The following ULK4 variants were observed in gnomAD, a reference collection of about 807,000 sequenced individuals.
ULK4 encodes inactive serine/threonine-protein kinase ULK4.
ULK4 carries 133 observed loss-of-function variants against 160.6 expected under a neutral mutation model. The ratio of observed to expected loss-of-function variants is 0.83; its 90% CI spans 0.72 to 0.96. The LOEUF (loss-of-function observed/expected upper bound fraction) is 0.96. Ranked by LOEUF, ULK4 falls within the 40% of genes least tolerant of loss-of-function variation. The pLI is 0.00. For synonymous variants in ULK4, 534 were observed against 539.8 expected (o/e 0.99, Z 0.15); for missense variants, 1,580 against 1,499.5 (o/e 1.05, Z -0.89).
intron 30 of ULK4, among the ~76,000 whole-genome samples, chr3:41,639,158 C>T (rs1395053292): frequency 6.6e-6 from 1 of 152,182 alleles, no homozygotes; most frequent in South Asian, 2.1e-4. Context: ...GATGGTTTTA[C>T]TGGCTGCAAA....
At chr3:41,586,256 A>G (rs1212781970) in intron 31 of ULK4, among the ~76,000 whole-genome samples, 1 of 152,244 alleles carries the variant, frequency 6.6e-6, no homozygotes, top group African/African-American at 2.4e-5. Flanking sequence ...TTGAGTGTCC[A>G]TCAATGAATG....
intron 31 of ULK4, among the ~76,000 whole-genome samples, chr3:41,566,775 T>C (rs1351387169): frequency 1.3e-5 from 2 of 152,232 alleles, no homozygotes; most frequent in East Asian, 1.9e-4. Context: ...AACTTGCTTT[T>C]CTTTTGTTCC....
At chr3:41,746,297 C>CAAAA (rs1337139435) in intron 22 of ULK4, among the ~76,000 whole-genome samples, 1 of 69,286 alleles carries the variant, frequency 1.4e-5, no homozygotes, top group African/African-American at 9.2e-5. Context: ...AAAAAAAAAA[C>CAAAA]CACCTACAAC....
chr3:41,901,748 G>C (rs1698374344), intron 12 of ULK4, among the ~76,000 whole-genome samples: 1 of 151,950 alleles, frequency 6.6e-6, no homozygotes, highest in Non-Finnish European at 1.5e-5. Context: ...CCAAAGTGCT[G>C]GGATTATAGG....
At chr3:41,941,778 A>AAAAAAAAG (rs534674849) in intron 2 of ULK4, among the ~76,000 whole-genome samples, 34 of 148,170 alleles carry the variant, frequency 2.3e-4, no homozygotes, top group Non-Finnish European at 4.8e-4. Context: ...AAAAAAAAAA[A>AAAAAAAAG]AGAGAAAGAA....
intron 29 of ULK4, among the ~76,000 whole-genome samples, chr3:41,676,348 A>T (rs2035713158): frequency 6.6e-6 from 1 of 152,288 alleles, no homozygotes; most frequent in East Asian, 1.9e-4. Flanking sequence ...AGAGCACTAG[A>T]GCTCAGAAAG....
intron 32 of ULK4, among the ~76,000 whole-genome samples, chr3:41,508,971 A>T (rs1337378572): frequency 6.6e-6 from 1 of 152,166 alleles, no homozygotes; most frequent in Non-Finnish European, 1.5e-5. Context: ...AACCAAGATG[A>T]AATCTCTGAA....
At chr3:41,768,727 C>T (rs1329911966) in intron 21 of ULK4, among the ~76,000 whole-genome samples, 2 of 152,234 alleles carry the variant, frequency 1.3e-5, no homozygotes, top group South Asian at 4.2e-4. Context: ...TAAATCATAA[C>T]ATTTTGGGTG....
chr3:41,738,473 A>C (rs185215847), intron 22 of ULK4, among the ~76,000 whole-genome samples: 1 of 151,954 alleles, frequency 6.6e-6, no homozygotes, highest in Middle Eastern at 3.2e-3. Context: ...CTCTGCAAAG[A>C]TCTGGGACAT....
intron 32 of ULK4, among the ~76,000 whole-genome samples, chr3:41,556,126 G>T (rs546156352): frequency 3.4e-4 from 52 of 152,186 alleles, no homozygotes; most frequent in Admixed American, 2.0e-4. Context: ...AAACCCCCAT[G>T]ACACAAGTTT....
intron 36 of ULK4, among the ~76,000 whole-genome samples, chr3:41,248,319 T>TA (rs113844755): frequency 0.024 from 3,624 of 152,278 alleles, 64 homozygotes; most frequent in South Asian, 0.05. Context: ...AGGAGGCCTA[T>TA]AGGCCAGTCC....
intron 19 of ULK4, among the ~76,000 whole-genome samples, chr3:41,808,997 C>G (rs2040736382): frequency 6.6e-6 from 1 of 151,982 alleles, no homozygotes; most frequent in Admixed American, 6.6e-5. Context: ...GAAACCCCGT[C>G]TCTACAAAAA....
chr3:41,493,186 C>G (rs1398925486), intron 32 of ULK4, among the ~76,000 whole-genome samples: 6 of 140,316 alleles, frequency 4.3e-5, no homozygotes, highest in Admixed American at 1.5e-4. Context: ...AAGTAAAGCT[C>G]TCCTCAGCAA....
chr3:41,567,946 T>C (rs2087842116), intron 31 of ULK4, among the ~76,000 whole-genome samples: 1 of 152,180 alleles, frequency 6.6e-6, no homozygotes, highest in Non-Finnish European at 1.5e-5. Flanking sequence ...CCTAACCGTG[T>C]TGTATCTATC....
chr3:41,272,073 C>A (rs2079147050), intron 35 of ULK4, among the ~76,000 whole-genome samples: 3 of 152,218 alleles, frequency 2.0e-5, no homozygotes, highest in African/African-American at 4.8e-5. Context: ...TGTGCCACAA[C>A]ACCCAGCTAA....
intron 35 of ULK4, among the ~76,000 whole-genome samples, chr3:41,285,911 C>T (rs2079448398): frequency 6.6e-6 from 1 of 152,116 alleles, no homozygotes; most frequent in Non-Finnish European, 1.5e-5. Context: ...TGCATATGCA[C>T]TAAGCATCTC....
chr3:41,270,767 A>G (rs1227041616), intron 35 of ULK4, among the ~76,000 whole-genome samples: 1 of 152,240 alleles, frequency 6.6e-6, no homozygotes, highest in Non-Finnish European at 1.5e-5. Flanking sequence ...TAAAGAAATA[A>G]TTAAAAACCT....
intron 30 of ULK4, among the ~76,000 whole-genome samples, chr3:41,655,813 AAC>A (rs1480859170): frequency 6.6e-6 from 1 of 152,252 alleles, no homozygotes; most frequent in African/African-American, 2.4e-5. Flanking sequence ...TTATTTTAAC[AAC>A]AGTTTAACAA....
intron 19 of ULK4, among the ~76,000 whole-genome samples, chr3:41,809,474 T>C (rs1313378659): frequency 1.3e-5 from 2 of 152,210 alleles, no homozygotes; most frequent in Non-Finnish European, 2.9e-5. Flanking sequence ...ATTTTGGTGC[T>C]CTTTATTGAA....
Sources: gnomAD v4.1 joint callset for allele counts (sites outside exome capture counted in the v4.1 genomes callset) on GRCh38, gnomAD v4.1.1 for gene constraint, MANE v1.5 for transcripts, NCBI Gene and HGNC (gene_info 2026-07-23, HGNC 2026-07-21) for gene names.